Variants in SNX29 observed in about 807,000 individuals in gnomAD.
SNX29 encodes the protein sorting nexin-29.
A neutral mutation model predicts 102.1 loss-of-function variants in SNX29; 78 were observed. That is an observed-to-expected ratio of 0.76 (90% CI 0.64 to 0.92). The LOEUF is 0.92. Ranked by LOEUF, SNX29 falls within the 40% of genes least tolerant of loss-of-function variation. SNX29 has a pLI of 0.00. For synonymous variants in SNX29, 580 were observed against 414.5 expected (o/e 1.40, Z -4.85); for missense variants, 1,280 against 1,061.7 (o/e 1.21, Z -2.86).
chr16:12,319,547 C>T (rs1043395422), intron 15 of SNX29, among the ~76,000 whole-genome samples: 9 of 152,146 alleles, frequency 5.9e-5, no homozygotes, highest in East Asian at 1.9e-4. Context: ...ACAGTGTTTC[C>T]AGCTGCCATT....
At position 12,024,135 on chromosome 16, in the gene SNX29, C is replaced by CTT. The variant is rs561104149; in HGVS notation, c.123-3171_123-3170dup. On this transcript the variant is annotated intron_variant, in intron 3 of 20. Coordinates refer to ENST00000566228, the MANE Select transcript of SNX29 (RefSeq NM_032167.5). The stretch of plus-strand genomic sequence containing the variant: ...GGAGGAGGGAATACGTGAGCTAAGT[C>CTT]TTTTTTTTTTTTTTTCTTTTGAGAC... Among the ~76,000 whole-genome samples, 22 of 141,482 alleles carry CTT rather than the reference C, an allele frequency of 1.6e-4. 1 individual carries two copies. The South Asian group carries it at 1.8e-3, about 12-fold the overall frequency. The allele number at this position is 141,482 out of a possible 152,430, so 92.8% of individuals were successfully genotyped here. A position where few individuals can be genotyped will look rare whatever the true frequency, so the allele number is the denominator to read the frequency against.
intron 15 of SNX29, among the ~76,000 whole-genome samples, chr16:12,281,989 G>T (rs1340325662): frequency 1.3e-5 from 2 of 148,572 alleles, no homozygotes; most frequent in East Asian, 3.9e-4. Context: ...GGAGGCTGAG[G>T]CAGAGAATCA....
At chr16:12,151,814 C>T (rs2055314085) in intron 13 of SNX29, among the ~76,000 whole-genome samples, 1 of 152,220 alleles carries the variant, frequency 6.6e-6, no homozygotes, top group African/African-American at 2.4e-5. Flanking sequence ...CGTCTCACTG[C>T]AACCTCTGCC....
chr16:12,018,600 A>C (rs1373906223), intron 3 of SNX29, among the ~76,000 whole-genome samples: 1 of 151,786 alleles, frequency 6.6e-6, no homozygotes, highest in Non-Finnish European at 1.5e-5. Flanking sequence ...AAAAAAAAGA[A>C]AGATATATTT....
At chr16:12,103,415 C>G (rs1442258534) in intron 11 of SNX29, among the ~76,000 whole-genome samples, 1 of 152,104 alleles carries the variant, frequency 6.6e-6, no homozygotes, top group Non-Finnish European at 1.5e-5. Context: ...TGATCTTTGA[C>G]AAACCTGACA....
chr16:12,292,841 T>A (rs761170855), intron 15 of SNX29, among the ~76,000 whole-genome samples: 2 of 152,256 alleles, frequency 1.3e-5, no homozygotes, highest in Non-Finnish European at 2.9e-5. Flanking sequence ...CAAGGCACAG[T>A]GGCTCTAGTG....
chr16:12,569,859 A>G lies in SNX29; in HGVS notation c.*1230A>G, dbSNP rs1360095295. 2 of 230,976 alleles carry G rather than the reference A, an allele frequency of 8.7e-6. No homozygotes were observed. The highest frequency in any genetic ancestry group is 1.7e-5 in the Non-Finnish European group (2 of 116,682). 14.3% of individuals were successfully genotyped at this position (230,976 alleles called of 1,614,324 possible). A position where few individuals can be genotyped will look rare whatever the true frequency, so the allele number is the denominator to read the frequency against. On this transcript the variant is annotated 3_prime_UTR_variant, in exon 21 of 21. Coordinates refer to ENST00000566228, the MANE Select transcript of SNX29 (RefSeq NM_032167.5). The stretch of plus-strand genomic sequence containing the variant: ...AACTAACTAGGAAGGATGTCGTGAA[A>G]TGGACTATGCAAGAGTAAGTTTGTG...
intron 3 of SNX29, among the ~76,000 whole-genome samples, chr16:12,018,393 T>C (rs1596605375): frequency 6.6e-6 from 1 of 151,128 alleles, no homozygotes; most frequent in African/African-American, 2.4e-5. Flanking sequence ...CTGGCCAAGA[T>C]GGTAAAACCC....
intron 3 of SNX29, among the ~76,000 whole-genome samples, chr16:12,012,593 G>C (rs986665397): frequency 3.3e-5 from 5 of 151,932 alleles, no homozygotes; most frequent in African/African-American, 1.2e-4. Context: ...ATTTCTCGTG[G>C]AGATGAGGTT....
At chr16:12,450,690 A>G (rs1487515694) in intron 18 of SNX29, among the ~76,000 whole-genome samples, 1 of 152,172 alleles carries the variant, frequency 6.6e-6, no homozygotes, top group African/African-American at 2.4e-5. Flanking sequence ...AGCTAGTCAG[A>G]TGGGCTTTGT....
chr16:12,166,943 G>C (rs2056051665), intron 13 of SNX29, among the ~76,000 whole-genome samples: 1 of 152,206 alleles, frequency 6.6e-6, no homozygotes, highest in Non-Finnish European at 1.5e-5. Context: ...CTTTGCTTTG[G>C]GTTGCTGCAT....
intron 18 of SNX29, among the ~76,000 whole-genome samples, chr16:12,450,807 G>C (rs1044373740): frequency 4.6e-5 from 7 of 152,126 alleles, no homozygotes; most frequent in Admixed American, 1.3e-4. Context: ...GGGGAACCTA[G>C]GGTCGATCAG....
chr16:12,245,333 A>G (rs181119096), intron 14 of SNX29, among the ~76,000 whole-genome samples: 1 of 152,238 alleles, frequency 6.6e-6, no homozygotes, highest in Admixed American at 6.5e-5. Context: ...TGTTACGTAC[A>G]TGATCCATAT....
intron 14 of SNX29, among the ~76,000 whole-genome samples, chr16:12,220,902 T>C (rs1328113538): frequency 1.3e-5 from 2 of 152,016 alleles, no homozygotes; most frequent in African/African-American, 4.8e-5. Context: ...AGCAGCTGAG[T>C]AGGATGGTCA....
In SNX29 at chr16:12,551,923, G is replaced by C. The variant is rs375709543; in HGVS notation, c.2319-16583G>C. 4.6e-5 allele frequency among the ~76,000 whole-genome samples: 7 copies of C among 152,298 alleles called. No individual in the cohort carries two copies. In the South Asian group the frequency reaches 1.5e-3, roughly 32 times the overall value. ...AGGGATCTCTATACCCTACCACACA[G>C]AGCCACTGTGAGGATCCAGTGAGAT... On this transcript the variant is annotated intron_variant, in intron 20 of 20. Transcript: ENST00000566228.
chr16:12,390,539 G>A (rs1384593451), intron 16 of SNX29, among the ~76,000 whole-genome samples: 1 of 152,138 alleles, frequency 6.6e-6, no homozygotes, highest in Non-Finnish European at 1.5e-5. Flanking sequence ...ACTACTCAAT[G>A]GAATGTAGTG....
At chr16:12,398,977 C>T (rs552272616) in intron 17 of SNX29, among the ~76,000 whole-genome samples, 20 of 152,180 alleles carry the variant, frequency 1.3e-4, no homozygotes, top group Non-Finnish European at 2.5e-4. Context: ...TAGTCCATGC[C>T]TTGGTCGGAT....
At chr16:12,373,559 TA>T (rs542243597) in intron 16 of SNX29, 4 of 152,240 alleles carry the variant, frequency 2.6e-5, no homozygotes, top group Non-Finnish European at 4.4e-5. Flanking sequence ...TAAACTTGGT[TA>T]AAATAGCACT....
At chr16:12,448,832 C>G (rs2086177561) in intron 18 of SNX29, among the ~76,000 whole-genome samples, 1 of 152,202 alleles carries the variant, frequency 6.6e-6, no homozygotes, top group Non-Finnish European at 1.5e-5. Context: ...GCATCCAGCT[C>G]TACCCATTTT....
Sources: gnomAD v4.1 joint callset for allele counts (sites outside exome capture counted in the v4.1 genomes callset) on GRCh38, gnomAD v4.1.1 for gene constraint, MANE v1.5 for transcripts, NCBI Gene and HGNC (gene_info 2026-07-23, HGNC 2026-07-21) for gene names.